Variants in UPP2 observed in about 807,000 individuals in gnomAD.
The protein encoded by UPP2 is UPase 2.
UPP2 carries 23 observed loss-of-function variants against 26.7 expected under a neutral mutation model. That is an observed-to-expected ratio of 0.86 (90% CI 0.62 to 1.22). UPP2 has a LOEUF of 1.22. Among genes scored for constraint, UPP2 ranks in the 50% most tolerant of loss-of-function variants. UPP2 has a pLI of 0.00. For synonymous variants in UPP2, 127 were observed against 141.3 expected, an observed-to-expected ratio of 0.90 and a Z score of 0.72; for missense variants, 387 against 396.7, an observed-to-expected ratio of 0.98 and a Z score of 0.21.
At chr2:158,018,629 C>G (rs1321621031) in intron 3 of UPP2, among the ~76,000 whole-genome samples, 1 of 152,204 alleles carries the variant, frequency 6.6e-6, no homozygotes, top group Non-Finnish European at 1.5e-5. Context: ...ATTTGGAAAG[C>G]AGGTAGGGAG....
At chr2:158,037,558 G>A (rs1411581544) in intron 3 of UPP2, among the ~76,000 whole-genome samples, 3 of 152,118 alleles carry the variant, frequency 2.0e-5, no homozygotes, top group Admixed American at 1.3e-4. Flanking sequence ...CTCCGAGGGA[G>A]AGTCTGTTCC....
Position 158,002,409 on chromosome 2 carries a change from G to A in UPP2, c.61+7150G>A, listed in dbSNP as rs527686768. ...TTATCACAGTTAGAGGACAATGCAG[G>A]CCTGGCCCAACTCTCTGCTCTTTAT... On this transcript the variant is annotated intron_variant, in intron 2 of 9. Coordinates refer to the UPP2 transcript ENST00000605860. Among the ~76,000 whole-genome samples, 344 of 152,302 alleles carry A rather than the reference G, an allele frequency of 2.3e-3. 1 individual carries two copies. Among genetic ancestry groups the A allele is most frequent in the Middle Eastern group, 3.4e-3 (1 of 294 alleles).
rs148797309 is a variant in UPP2, at chr2:158,121,477, C to T, written c.523C>T (p.Gln175Ter). Reference sequence around the variant, plus strand: ...CTCCTTCTTTAAGCCCCGGTTTGAACAGGTCATTTTGGACAACATTGTCAC... The same window carrying T: ...CTCCTTCTTTAAGCCCCGGTTTGAATAGGTCATTTTGGACAACATTGTCAC... ...VDSFFKPRFEQVILDNIVTRS... is the reference protein window; with the variant it reads ...VDSFFKPRFE The change falls in exon 5 of 7, where the codon CAG becomes TAG. Residue 175 changes from glutamine (Q) to a stop codon, truncating the protein, a stop_gained. Transcript: ENST00000005756. LOFTEE classifies it high-confidence loss of function. 7 of 1,613,330 alleles carry T rather than the reference C, an allele frequency of 4.3e-6. No individual in the cohort carries two copies. Among genetic ancestry groups the T allele is most frequent in the Non-Finnish European group, 5.9e-6 (7 of 1,179,492 alleles).
At chr2:158,076,140 C>T (rs1682627506) in intron 3 of UPP2, among the ~76,000 whole-genome samples, 1 of 151,918 alleles carries the variant, frequency 6.6e-6, no homozygotes, top group African/African-American at 2.4e-5. Context: ...AATCCAAAAC[C>T]TGAACAGACC....
At chr2:158,085,636 G>T (rs1158879651) in intron 3 of UPP2, among the ~76,000 whole-genome samples, 1 of 152,136 alleles carries the variant, frequency 6.6e-6, no homozygotes, top group East Asian at 1.9e-4. Context: ...TTGGCTGTGG[G>T]TTTGTCATAG....
chr2:158,126,281 ATGC>A, intron 6 of UPP2: 1 of 152,296 alleles, frequency 6.6e-6, no homozygotes, highest in Non-Finnish European at 1.5e-5. Context: ...TTTCTTTCTT[ATGC>A]TGCTGCTGGA....
At chr2:158,124,300 A>G (rs1482341800) in intron 6 of UPP2, among the ~76,000 whole-genome samples, 1 of 152,204 alleles carries the variant, frequency 6.6e-6, no homozygotes, top group African/African-American at 2.4e-5. Context: ...TGCCACTTGG[A>G]TATCTGGGGG....
At chr2:158,098,390 A>C (rs553007831), upstream of UPP2, among the ~76,000 whole-genome samples, 5 of 152,270 alleles carry the variant, frequency 3.3e-5, no homozygotes, top group African/African-American at 1.2e-4. Flanking sequence ...GAGAATTTCC[A>C]TATTCAGCTT....
intron 2 of UPP2, among the ~76,000 whole-genome samples, chr2:158,006,494 A>AG (rs1683491796): frequency 6.6e-6 from 1 of 151,766 alleles, no homozygotes; most frequent in Non-Finnish European, 1.5e-5. Flanking sequence ...AAAAAAAAAA[A>AG]AAAAAGTCCA....
rs149590989 is a variant in UPP2, at chr2:158,075,118, T to C, written c.148-26922T>C. Among the ~76,000 whole-genome samples, 9 of 152,154 alleles carry C rather than the reference T, an allele frequency of 5.9e-5. No individual in the cohort carries two copies. In the East Asian group the frequency reaches 1.7e-3, roughly 29 times the overall value. On this transcript the variant is annotated intron_variant, in intron 3 of 9. Coordinates refer to the UPP2 transcript ENST00000605860. ...TGCACCCAAAATTGAAGTACCCAGA[T>C]ATAAAGCAAATATTATTTGAGCTAA...
At position 158,091,713 on chromosome 2, in the gene UPP2, C is replaced by T. The variant is rs542122470; in HGVS notation, c.148-10327C>T. On this transcript the variant is annotated intron_variant, in intron 3 of 9. Coordinates refer to the UPP2 transcript ENST00000605860. Reference sequence around the variant, plus strand: ...CTGGCTGTTGGATGATCTAGGCTGGCCCTCACTGGGGTGACGAGGTGCCTG... The same window carrying T: ...CTGGCTGTTGGATGATCTAGGCTGGTCCTCACTGGGGTGACGAGGTGCCTG... Among the ~76,000 whole-genome samples the T allele has an allele frequency of 1.2e-4, 19 of 152,288 alleles. 1 individual carries two copies. In the South Asian group the frequency reaches 2.1e-3, roughly 17 times the overall value.
At chr2:158,015,965 C>T (rs575442887) in intron 3 of UPP2, 285 of 334,712 alleles carry the variant, frequency 8.5e-4, no homozygotes, top group Non-Finnish European at 1.5e-3. Flanking sequence ...AAAGGACTAA[C>T]GCATATACCC....
chr2:158,059,030 TGAG>T lies in UPP2; in HGVS notation c.148-43005_148-43003del, dbSNP rs80300006. Among the ~76,000 whole-genome samples, 37 of 152,256 alleles carry T rather than the reference TGAG, an allele frequency of 2.4e-4. No individual in the cohort carries two copies. The East Asian group carries it at 7.2e-3, about 29-fold the overall frequency. ...AAGCACAGAAGGTCCCAGAGTCAGC[TGAG>T]GAGGTCAAAGCGAAGGGCTTTGTTA... On this transcript the variant is annotated intron_variant, in intron 3 of 9. Transcript: ENST00000605860.
intron 2 of UPP2, among the ~76,000 whole-genome samples, chr2:158,010,133 G>A (rs1326326581): frequency 6.6e-6 from 1 of 152,124 alleles, no homozygotes; most frequent in Non-Finnish European, 1.5e-5. Context: ...ATGTATTTTG[G>A]TTTTATGTTA....
upstream of UPP2, among the ~76,000 whole-genome samples, chr2:158,100,236 C>G (rs1299246477): frequency 2.0e-5 from 3 of 152,132 alleles, no homozygotes; most frequent in South Asian, 6.2e-4. Flanking sequence ...AATTACTTGC[C>G]TAAATGTCTG....
chr2:158,067,285 A>G (rs977579922), intron 3 of UPP2, among the ~76,000 whole-genome samples: 4 of 152,094 alleles, frequency 2.6e-5, no homozygotes, highest in African/African-American at 9.6e-5. Flanking sequence ...TCTGTGGGAG[A>G]AATAATTTGT....
chr2:158,104,965 G>T (rs1339230783), intron 1 of UPP2, among the ~76,000 whole-genome samples: 5 of 75,492 alleles, frequency 6.6e-5, no homozygotes, highest in Non-Finnish European at 9.4e-5. Context: ...GGGAAGGGAA[G>T]GGAAGGGAAG....
chr2:158,092,616 C>A (rs530108807), intron 3 of UPP2, among the ~76,000 whole-genome samples: 11 of 152,148 alleles, frequency 7.2e-5, no homozygotes, highest in Non-Finnish European at 1.3e-4. Context: ...ATCTGAGAAG[C>A]AATTGTGATC....
intron 3 of UPP2, among the ~76,000 whole-genome samples, chr2:158,056,725 C>G (rs1005477059): frequency 6.6e-6 from 1 of 152,192 alleles, no homozygotes; most frequent in Non-Finnish European, 1.5e-5. Context: ...GGACGGCAGT[C>G]GTACTGGATT....
Sources: allele counts gnomAD v4.1 joint callset (sites outside exome capture counted in the v4.1 genomes callset), GRCh38; gene constraint gnomAD v4.1.1; transcripts MANE v1.5; gene names NCBI Gene and HGNC (gene_info 2026-07-23, HGNC 2026-07-21).